Variants in SLC25A20 observed in about 807,000 individuals in gnomAD.
SLC25A20 encodes the protein solute carrier family 25 member 20, also known as mitochondrial carnitine/acylcarnitine carrier protein.
SLC25A20 carries 29 observed loss-of-function variants against 39.7 expected under a neutral mutation model. The ratio of observed to expected loss-of-function variants is 0.73; its 90% CI spans 0.54 to 1.00. The LOEUF is 1.00. Ranked by LOEUF, SLC25A20 falls within the 50% of genes least tolerant of loss-of-function variation. SLC25A20 has a pLI of 0.00. For synonymous variants in SLC25A20, 103 were observed against 142.2 expected (o/e 0.72, Z 1.96); for missense variants, 333 against 379.9 (o/e 0.88, Z 1.03).
Position 48,892,244 on chromosome 3 carries a change from T to G in SLC25A20, c.106-172A>C, listed in dbSNP as rs1290635170. Among the ~76,000 whole-genome samples the G allele has an allele frequency of 2.6e-5, 4 of 152,232 alleles. No homozygotes were observed. The East Asian group carries it at 7.7e-4, about 29-fold the overall frequency. ...TCTCTTTCATTTCATTAGTACTTCATTCCTTTTATTGGCAAATAATATCCC... is the reference window on the plus strand; with the variant it reads ...TCTCTTTCATTTCATTAGTACTTCAGTCCTTTTATTGGCAAATAATATCCC... On this transcript the variant is annotated intron_variant, in intron 1 of 8. Coordinates refer to ENST00000319017, the MANE Select transcript of SLC25A20 (RefSeq NM_000387.6).
At chr3:48,897,868 A>C (rs1249136099) in intron 1 of SLC25A20, among the ~76,000 whole-genome samples, 1 of 152,134 alleles carries the variant, frequency 6.6e-6, no homozygotes, top group Non-Finnish European at 1.5e-5. Context: ...AAAGTGAGAA[A>C]ACTGGATGCA....
intron 5 of SLC25A20, among the ~76,000 whole-genome samples, chr3:48,861,682 G>A (rs2083629016): frequency 1.3e-5 from 2 of 152,008 alleles, no homozygotes; most frequent in African/African-American, 4.8e-5. Flanking sequence ...AGCTGAGAAT[G>A]CACCACTGCA....
rs531714341 is a variant in SLC25A20 at position 48,884,239 on chromosome 3, C to G, written c.199-115G>C. 13 of 1,316,868 alleles carry G rather than the reference C, an allele frequency of 9.9e-6. No homozygotes were observed. The East Asian group carries it at 2.6e-4, about 26-fold the overall frequency. 81.6% of individuals were successfully genotyped at this position (1,316,868 alleles called of 1,614,324 possible). ...TGGCTTCCTTCACCTCTTCTTGAAG[C>G]AAGGAGAACTTTAAATGGAAGAAAA... On this transcript the variant is annotated intron_variant, in intron 2 of 8. Coordinates refer to ENST00000319017, the MANE Select transcript of SLC25A20 (RefSeq NM_000387.6).
Position 48,883,994 on chromosome 3 carries a change from C to A in SLC25A20, c.326+3G>T. On this transcript the variant is annotated splice_donor_region_variant and intron_variant, in intron 3 of 8. Transcript: ENST00000319017. ...CAAGTGCTCCTGACCTGTAAGTACT[C>A]ACCTGAGCACATCTTCTGGGTGTTT... 1 of 1,613,272 alleles carries A rather than the reference C, an allele frequency of 6.2e-7. No individual in the cohort carries two copies. Among genetic ancestry groups the A allele is most frequent in the South Asian group, 1.1e-5 (1 of 91,008 alleles).
chr3:48,881,846 C>A (rs1055875605), intron 3 of SLC25A20, among the ~76,000 whole-genome samples: 1 of 152,202 alleles, frequency 6.6e-6, no homozygotes, highest in Non-Finnish European at 1.5e-5. Flanking sequence ...TGGGCAAATG[C>A]AGCTCCAAAA....
intron 3 of SLC25A20, 55 bp from the exon 4 acceptor site, chr3:48,879,503 G>A (rs1477486477): frequency 1.7e-6 from 2 of 1,172,006 alleles, no homozygotes; most frequent in East Asian, 4.7e-5. Context: ...ACCGAGGACA[G>A]AGGCCAATCC....
chr3:48,872,361 C>T (rs1310644375), intron 4 of SLC25A20, among the ~76,000 whole-genome samples: 1 of 151,678 alleles, frequency 6.6e-6, no homozygotes, highest in Non-Finnish European at 1.5e-5. Context: ...AATTCCTGAC[C>T]TCAAGTGATC....
Position 48,858,575 on chromosome 3 carries a change from C to G in SLC25A20, c.775G>C (p.Asp259His), listed in dbSNP as rs2083598555. The change falls in exon 8 of 9, where the codon GAT becomes CAT. Residue 259 changes from aspartate (D) to histidine (H), a missense_variant. Asp to His is a moderately conservative substitution (Grantham distance 81). Coordinates refer to ENST00000319017, the MANE Select transcript of SLC25A20 (RefSeq NM_000387.6). Reference protein sequence around the residue: ...FRDVLRELIRDEGVTSLYKGF... With the variant: ...FRDVLRELIRHEGVTSLYKGF... Reference sequence around the variant, plus strand: ...TTGTACAAGGATGTGACTCCTTCATCCCGGATCAGCTCCCTCAGCACATCT... The same window carrying G: ...TTGTACAAGGATGTGACTCCTTCATGCCGGATCAGCTCCCTCAGCACATCT... The G allele has an allele frequency of 2.5e-6, 4 of 1,614,210 alleles. No homozygotes were observed.
intron 8 of SLC25A20, 96 bp downstream of exon 8, chr3:48,858,411 G>T: frequency 6.4e-7 from 1 of 1,557,058 alleles, no homozygotes; most frequent in South Asian, 1.1e-5. Flanking sequence ...TGGGAAAACT[G>T]AGACCCCAGT....
At chr3:48,891,521 G>A (rs911872335) in intron 2 of SLC25A20, among the ~76,000 whole-genome samples, 1 of 151,920 alleles carries the variant, frequency 6.6e-6, no homozygotes. Context: ...ATGTACATGC[G>A]CTACCATGCC....
At chr3:48,884,198 T>C in intron 2 of SLC25A20, 74 bp from the exon 3 acceptor site, 1 of 1,596,948 alleles carries the variant, frequency 6.3e-7, no homozygotes, top group Non-Finnish European at 8.6e-7. Flanking sequence ...AGGAAAGCAG[T>C]GTGTCCTCCA....
intron 3 of SLC25A20, among the ~76,000 whole-genome samples, chr3:48,881,998 C>A (rs1257932369): frequency 6.6e-6 from 1 of 152,192 alleles, no homozygotes; most frequent in Non-Finnish European, 1.5e-5. Context: ...CCTGCTGTGG[C>A]CTGAAGTGGT....
At chr3:48,882,244 C>T (rs973916459) in intron 3 of SLC25A20, among the ~76,000 whole-genome samples, 1 of 152,214 alleles carries the variant, frequency 6.6e-6, no homozygotes, top group Non-Finnish European at 1.5e-5. Context: ...AATTCTGTCT[C>T]AGGTGACTCT....
chr3:48,876,080 C>T (rs1250260050), intron 4 of SLC25A20, among the ~76,000 whole-genome samples: 3 of 151,958 alleles, frequency 2.0e-5, no homozygotes, highest in Admixed American at 6.6e-5. Flanking sequence ...CAGTGGCTCA[C>T]GCCTATAATC....
At chr3:48,884,494 C>A (rs938813076) in intron 2 of SLC25A20, among the ~76,000 whole-genome samples, 1 of 151,996 alleles carries the variant, frequency 6.6e-6, no homozygotes, top group Admixed American at 6.6e-5. Context: ...GGACTACAGG[C>A]GTGCGCCACC....
intron 1 of SLC25A20, among the ~76,000 whole-genome samples, 183 bp from the exon 2 acceptor site, chr3:48,892,255 G>A (rs909353377): frequency 1.3e-5 from 2 of 152,072 alleles, no homozygotes; most frequent in Non-Finnish European, 2.9e-5. Context: ...TCCTTTTATT[G>A]GCAAATAATA....
chr3:48,882,692 G>A (rs1019210935), intron 3 of SLC25A20, among the ~76,000 whole-genome samples: 3 of 152,020 alleles, frequency 2.0e-5, no homozygotes, highest in Admixed American at 6.6e-5. Flanking sequence ...AGCACCCCCC[G>A]CCGCCCCGAC....
chr3:48,882,166 C>T (rs2083800224), intron 3 of SLC25A20, among the ~76,000 whole-genome samples: 1 of 152,212 alleles, frequency 6.6e-6, no homozygotes, highest in Non-Finnish European at 1.5e-5. Flanking sequence ...CCAATATTTC[C>T]ACTCAGAATT....
intron 1 of SLC25A20, among the ~76,000 whole-genome samples, chr3:48,893,852 GAAA>G (rs978467478): frequency 7.2e-5 from 5 of 69,110 alleles, no homozygotes; most frequent in African/African-American, 2.8e-4. Context: ...CTTTAAAAAA[GAAA>G]AAAAAAAAAA....
Sources: gnomAD v4.1 joint callset for allele counts (sites outside exome capture counted in the v4.1 genomes callset) on GRCh38, gnomAD v4.1.1 for gene constraint, MANE v1.5 for transcripts, NCBI Gene and HGNC (gene_info 2026-07-23, HGNC 2026-07-21) for gene names.